Variants in SLIT2 observed in about 807,000 individuals in gnomAD.
The protein encoded by SLIT2 is slit homolog 2 protein.
Under a neutral mutation model 185.7 loss-of-function variants are expected in SLIT2, and 41 were observed. The observed-to-expected ratio is 0.22, with a 90% CI of 0.17 to 0.29. SLIT2 has a LOEUF of 0.29. Ranked by LOEUF, SLIT2 falls within the 10% of genes least tolerant of loss-of-function variation. The probability of loss-of-function intolerance (pLI) is 1.00; values close to 1 mark genes in which losing one functional copy is unlikely to be tolerated. For synonymous variants in SLIT2, 693 were observed against 680.2 expected, an observed-to-expected ratio of 1.02 and a Z score of -0.29; for missense variants, 1,571 against 1,909.0, an observed-to-expected ratio of 0.82 and a Z score of 3.30.
intron 4 of SLIT2, among the ~76,000 whole-genome samples, chr4:20,305,551 G>A (rs1717461272): frequency 6.6e-6 from 1 of 152,210 alleles, no homozygotes; most frequent in Admixed American, 6.5e-5. Context: ...TTGGAGATTA[G>A]TTATTACTTC....
At chr4:20,297,408 C>A (rs909046687) in intron 4 of SLIT2, among the ~76,000 whole-genome samples, 7 of 152,120 alleles carry the variant, frequency 4.6e-5, no homozygotes, top group Non-Finnish European at 1.0e-4. Flanking sequence ...GAAAAATATT[C>A]TGAGGGTTTT....
intron 30 of SLIT2, among the ~76,000 whole-genome samples, chr4:20,594,204 T>G (rs1022076929): frequency 1.3e-5 from 2 of 149,790 alleles, no homozygotes; most frequent in Non-Finnish European, 3.0e-5. Context: ...CATATGTATG[T>G]ATGTGTGTAT....
At chr4:20,486,985 G>A (rs904345352) in intron 7 of SLIT2, among the ~76,000 whole-genome samples, 4 of 151,652 alleles carry the variant, frequency 2.6e-5, no homozygotes, top group South Asian at 4.1e-4. Context: ...CAAAACCAAA[G>A]CATCAAACTT....
Position 20,619,245 on chromosome 4 carries a change from T to A in SLIT2, c.*236T>A. The A allele has an allele frequency of 2.6e-6, 1 of 392,018 alleles. No individual in the cohort carries two copies. Among genetic ancestry groups the A allele is most frequent in the Non-Finnish European group, 4.6e-6 (1 of 219,334 alleles). 24.3% of individuals were successfully genotyped at this position (392,018 alleles called of 1,614,324 possible). A position where few individuals can be genotyped will look rare whatever the true frequency, so the allele number is the denominator to read the frequency against. On this transcript the variant is annotated 3_prime_UTR_variant, in exon 37 of 37. Transcript: ENST00000504154. ...TGAAGAAAGATATACCTGGAGACAT[T>A]AGAACAGCGATGGGAACCATTGCAA...
chr4:20,259,886 G>A (rs1216457867), intron 3 of SLIT2, among the ~76,000 whole-genome samples: 2 of 151,758 alleles, frequency 1.3e-5, no homozygotes, highest in African/African-American at 2.4e-5. Context: ...GAAAAGCTGA[G>A]AAAATTCCTT....
chr4:20,463,448 G>GATAGATATATATATATAT (rs1459962322), intron 4 of SLIT2, among the ~76,000 whole-genome samples: 36 of 67,260 alleles, frequency 5.4e-4, no homozygotes, highest in South Asian at 1.1e-3. Flanking sequence ...CTCAAACTGT[G>GATAGATATATATATATAT]ATATATATAT....
chr4:20,304,989 G>A (rs560569856), intron 4 of SLIT2, among the ~76,000 whole-genome samples: 1 of 152,312 alleles, frequency 6.6e-6, no homozygotes, highest in South Asian at 2.1e-4. Flanking sequence ...CAAAGTACAA[G>A]ATAAGTAGTT....
At chr4:20,448,598 G>A (rs1712093525) in intron 4 of SLIT2, among the ~76,000 whole-genome samples, 1 of 151,970 alleles carries the variant, frequency 6.6e-6, no homozygotes, top group African/African-American at 2.4e-5. Context: ...TGGGATTACA[G>A]GCATGAGCCA....
intron 4 of SLIT2, among the ~76,000 whole-genome samples, chr4:20,446,119 C>T (rs1451676887): frequency 6.6e-6 from 1 of 152,114 alleles, no homozygotes; most frequent in South Asian, 2.1e-4. Flanking sequence ...CGGGTTAATT[C>T]CTTTGACCTT....
rs1454319159 is a variant in SLIT2, at chr4:20,571,325, A to G, written c.3088+2321A>G. 5.9e-5 allele frequency among the ~76,000 whole-genome samples: 9 copies of G among 152,336 alleles called. No homozygotes were observed. The South Asian group carries it at 6.2e-4, about 11-fold the overall frequency. Reference sequence around the variant, plus strand: ...ACTAAACAGAAAGTGCATGGCGTACAGAACATGAAGATATGACCATTTTAT... The same window carrying G: ...ACTAAACAGAAAGTGCATGGCGTACGGAACATGAAGATATGACCATTTTAT... On this transcript the variant is annotated intron_variant, in intron 29 of 36. Coordinates refer to ENST00000504154, the MANE Select transcript of SLIT2 (RefSeq NM_004787.4).
At chr4:20,395,331 T>C (rs1250703208) in intron 4 of SLIT2, among the ~76,000 whole-genome samples, 3 of 151,974 alleles carry the variant, frequency 2.0e-5, no homozygotes, top group African/African-American at 7.2e-5. Context: ...TAGGGAAATT[T>C]AACTTCTTCA....
At chr4:20,506,144 T>G (rs2148819323) in intron 9 of SLIT2, among the ~76,000 whole-genome samples, 1 of 152,134 alleles carries the variant, frequency 6.6e-6, no homozygotes, top group African/African-American at 2.4e-5. Flanking sequence ...ATCATTTACA[T>G]AAGTTATGTG....
At chr4:20,464,314 C>T (rs1467941462) in intron 4 of SLIT2, among the ~76,000 whole-genome samples, 3 of 152,120 alleles carry the variant, frequency 2.0e-5, no homozygotes, top group Non-Finnish European at 4.4e-5. Context: ...CCCGTGTCCT[C>T]CTCCCGACTA....
chr4:20,447,822 A>C (rs1207858207), intron 4 of SLIT2, among the ~76,000 whole-genome samples: 1 of 152,250 alleles, frequency 6.6e-6, no homozygotes, highest in Non-Finnish European at 1.5e-5. Context: ...AGTGAATGCA[A>C]AAGTAATTGC....
chr4:20,554,377 A>G (rs1724051608), intron 26 of SLIT2: 1 of 458,464 alleles, frequency 2.2e-6, no homozygotes, highest in East Asian at 6.9e-5. Context: ...GTTCAGCCCA[A>G]ACCTTCTGAC....
intron 4 of SLIT2, among the ~76,000 whole-genome samples, chr4:20,347,617 A>C (rs927719050): frequency 6.6e-6 from 1 of 152,220 alleles, no homozygotes; most frequent in African/African-American, 2.4e-5. Context: ...TTTGCCTTTT[A>C]TAAATTATAT....
chr4:20,474,632 G>C (rs1024547826), intron 5 of SLIT2, among the ~76,000 whole-genome samples: 10 of 152,030 alleles, frequency 6.6e-5, no homozygotes, highest in Non-Finnish European at 1.5e-4. Context: ...TGCCATGGCT[G>C]CTGTGTCTTC....
chr4:20,566,946 A>G (rs887713093), intron 26 of SLIT2, among the ~76,000 whole-genome samples: 7 of 151,986 alleles, frequency 4.6e-5, no homozygotes, highest in Non-Finnish European at 7.4e-5. Flanking sequence ...GACAATGACC[A>G]AGAAACACAT....
Position 20,506,143 on chromosome 4 carries a change from A to G in SLIT2, c.915-4352A>G, listed in dbSNP as rs557103337. Among the ~76,000 whole-genome samples, 7 of 152,172 alleles carry G rather than the reference A, an allele frequency of 4.6e-5. No individual in the cohort carries two copies. The South Asian group carries it at 1.0e-3, about 22-fold the overall frequency. On this transcript the variant is annotated intron_variant, in intron 9 of 36. Coordinates refer to ENST00000504154, the MANE Select transcript of SLIT2 (RefSeq NM_004787.4). ...GATAAAATGTTATGCAATCATTTAC[A>G]TAAGTTATGTGGAGAAAAAGGTGTT... is the stretch of plus-strand genomic sequence containing the variant.
Sources: gnomAD v4.1 joint callset for allele counts (sites outside exome capture counted in the v4.1 genomes callset) on GRCh38, gnomAD v4.1.1 for gene constraint, MANE v1.5 for transcripts, NCBI Gene and HGNC (gene_info 2026-07-23, HGNC 2026-07-21) for gene names.